Variants in EML2 observed in about 807,000 individuals in gnomAD.
EML2 encodes the protein EMAP like 2, also known as echinoderm microtubule-associated protein-like 2.
In EML2, 59 loss-of-function variants were observed where a neutral mutation model predicts 84.7. The ratio of observed to expected loss-of-function variants is 0.70; its 90% CI spans 0.56 to 0.86. The LOEUF is 0.86. Ranked by LOEUF, EML2 falls within the 40% of genes least tolerant of loss-of-function variation. The pLI, the probability that EML2 is intolerant of heterozygous loss-of-function variation, is 0.00. For synonymous variants in EML2, 352 were observed against 348.9 expected (o/e 1.01, Z -0.10); for missense variants, 818 against 855.6 (o/e 0.96, Z 0.55).
chr19:45,616,190 A>AGAGGGGCGGTCTCGGAACGT lies in EML2; in HGVS notation c.1509+251_1509+270dup, dbSNP rs569323805. Reference sequence around the variant, plus strand: ...TGAATGTTGAGGGGCGGGGCTACACAGAGGGGCGGTCTCGGAACGTGAGGG... The same window carrying AGAGGGGCGGTCTCGGAACGT: ...TGAATGTTGAGGGGCGGGGCTACACAGAGGGGCGGTCTCGGAACGTGAGGGGCGGTCTCGGAACGTGAGGG... On this transcript the variant is annotated intron_variant, in intron 15 of 18. Transcript: ENST00000245925. 419 of 492,328 alleles carry AGAGGGGCGGTCTCGGAACGT rather than the reference A, an allele frequency of 8.5e-4. 1 individual carries two copies. The highest frequency in any genetic ancestry group is 5.5e-3 in the African/African-American group (256 of 46,340). 30.5% of individuals were successfully genotyped at this position (492,328 alleles called of 1,614,324 possible). A position where few individuals can be genotyped will look rare whatever the true frequency, so the allele number is the denominator to read the frequency against.
At chr19:45,622,947 G>A (rs1971882096) in intron 9 of EML2, among the ~76,000 whole-genome samples, 1 of 151,356 alleles carries the variant, frequency 6.6e-6, no homozygotes, top group East Asian at 2.0e-4. Context: ...TACTTGGGAG[G>A]CTGAGGCAAG....
chr19:45,630,551 C>CA (rs764565313), intron 6 of EML2, among the ~76,000 whole-genome samples: 18,143 of 105,992 alleles, frequency 0.17, 1,580 homozygotes, highest in East Asian at 0.26. Context: ...GACTCTGTCT[C>CA]AAAAAAAAAA....
At chr19:45,632,807 C>T (rs1161849193) in intron 6 of EML2, 54 bp downstream of exon 6, 2 of 1,493,190 alleles carry the variant, frequency 1.3e-6, no homozygotes, top group African/African-American at 1.4e-5. Context: ...GGTGCGGGCA[C>T]TTGCCCTCCT....
chr19:45,610,489 G>A (rs887454007), intron 18 of EML2, among the ~76,000 whole-genome samples: 13 of 151,836 alleles, frequency 8.6e-5, no homozygotes, highest in African/African-American at 3.1e-4. Flanking sequence ...GATCACTTGA[G>A]GTCAGGAGTT....
At chr19:45,632,815 C>G (rs1270370735) in intron 6 of EML2, 46 bp downstream of exon 6, 2 of 1,558,834 alleles carry the variant, frequency 1.3e-6, no homozygotes, top group South Asian at 1.1e-5. Context: ...CACTTGCCCT[C>G]CTTTTCGGGG....
chr19:45,645,133 G>T (rs1313810359), upstream of EML2: 8 of 998,660 alleles, frequency 8.0e-6, no homozygotes, highest in Non-Finnish European at 1.1e-5. Flanking sequence ...TTGCTCTTGG[G>T]TCAGGGTCCT....
intron 7 of EML2, 63 bp downstream of exon 7, chr19:45,629,888 C>A: frequency 1.5e-6 from 2 of 1,301,330 alleles, no homozygotes; most frequent in East Asian, 2.3e-5. Context: ...GACTCCTAAC[C>A]ACTGAGATTG....
At chr19:45,641,582 A>C (rs368525906), upstream of EML2, 36 of 1,502,854 alleles carry the variant, frequency 2.4e-5, no homozygotes, top group South Asian at 3.9e-4. Flanking sequence ...GCATGACTAC[A>C]TTTCTCGACC....
At chr19:45,626,292 G>A (rs760625783) in intron 8 of EML2, among the ~76,000 whole-genome samples, 4 of 151,680 alleles carry the variant, frequency 2.6e-5, no homozygotes, top group East Asian at 1.9e-4. Flanking sequence ...GATTACAGGC[G>A]AGAGCCACCT....
chr19:45,638,439 C>G, intron 3 of EML2, 66 bp downstream of exon 3: 1 of 1,608,706 alleles, frequency 6.2e-7, no homozygotes. Flanking sequence ...CCTGAGCTGC[C>G]TTGACCGCCT....
At chr19:45,645,543 C>G, upstream of EML2, 1 of 1,127,342 alleles carries the variant, frequency 8.9e-7, no homozygotes, top group Non-Finnish European at 1.2e-6. Context: ...CACCGCCTGC[C>G]AAGCCCCCCA....
At chr19:45,641,693 G>A (rs1294506054), upstream of EML2, 1 of 1,536,116 alleles carries the variant, frequency 6.5e-7, no homozygotes, top group Non-Finnish European at 8.7e-7. Flanking sequence ...CGGCTGCGGG[G>A]GTCCTCACGG....
chr19:45,625,331 C>A (rs1972182415), intron 8 of EML2, among the ~76,000 whole-genome samples: 1 of 152,200 alleles, frequency 6.6e-6, no homozygotes, highest in African/African-American at 2.4e-5. Flanking sequence ...ACCTCCACCT[C>A]CCGGGTTCAA....
chr19:45,626,380 CTTTTTTTTTTT>C (rs35850853), intron 8 of EML2, among the ~76,000 whole-genome samples: 47 of 79,450 alleles, frequency 5.9e-4, no homozygotes, highest in African/African-American at 2.0e-3. Flanking sequence ...ATCCTCACAA[CTTTTTTTTTTT>C]TTTTTTTTTT....
At chr19:45,613,955 C>T (rs1002638940) in intron 17 of EML2, among the ~76,000 whole-genome samples, 1 of 152,158 alleles carries the variant, frequency 6.6e-6, no homozygotes, top group Non-Finnish European at 1.5e-5. Context: ...TCCTGTTAAA[C>T]TCTGTAATGA....
intron 11 of EML2, 97 bp from the exon 12 acceptor site, chr19:45,619,288 T>A: frequency 6.9e-7 from 1 of 1,443,410 alleles, no homozygotes; most frequent in East Asian, 2.4e-5. Context: ...CCCCAGCAAC[T>A]CACCCTGCCC....
rs867490815 is a variant in EML2 at position 45,609,530 on chromosome 19, T to C, written c.*133A>G. On this transcript the variant is annotated 3_prime_UTR_variant, in exon 19 of 19. Coordinates refer to ENST00000245925, the MANE Select transcript of EML2 (RefSeq NM_012155.4). ...ACCCGGATAAATAGAGACTTCTGTA[T>C]GTCAGTCTACCCTCCCGCCCCCATA... The C allele has an allele frequency of 4.1e-6, 4 of 973,936 alleles. No individual in the cohort carries two copies. The Middle Eastern group carries it at 1.0e-3, about 246-fold the overall frequency. 60.3% of individuals were successfully genotyped at this position (973,936 alleles called of 1,614,324 possible). A position where few individuals can be genotyped will look rare whatever the true frequency, so the allele number is the denominator to read the frequency against.
At chr19:45,616,175 G>GGGGC (rs1478490785) in intron 15 of EML2, 1 of 563,604 alleles carries the variant, frequency 1.8e-6, no homozygotes, top group East Asian at 2.9e-5. Context: ...TGAATGTTGA[G>GGGGC]GGGCGGGGCT....
At chr19:45,625,521 C>T (rs917363800) in intron 8 of EML2, among the ~76,000 whole-genome samples, 7 of 152,060 alleles carry the variant, frequency 4.6e-5, no homozygotes, top group African/African-American at 1.4e-4. Context: ...GGATTACAGG[C>T]GTGAGCCACC....
Sources: allele counts gnomAD v4.1 joint callset (sites outside exome capture counted in the v4.1 genomes callset), GRCh38; gene constraint gnomAD v4.1.1; transcripts MANE v1.5; gene names NCBI Gene and HGNC (gene_info 2026-07-23, HGNC 2026-07-21).